The following DIRAS2 variants were observed in gnomAD, a reference collection of about 807,000 sequenced individuals.
DIRAS2 encodes the protein GTP-binding protein Di-Ras2.
Under a neutral mutation model 13.9 loss-of-function variants are expected in DIRAS2, and 5 were observed. The observed-to-expected ratio is 0.36, with a 90% CI of 0.19 to 0.76. The LOEUF (loss-of-function observed/expected upper bound fraction) is 0.76. DIRAS2 is among the 30% of genes least tolerant of loss of function. DIRAS2 has a pLI of 0.53. For synonymous variants in DIRAS2, 111 were observed against 105.4 expected, an observed-to-expected ratio of 1.05 and a Z score of -0.33; for missense variants, 191 against 263.0, an observed-to-expected ratio of 0.73 and a Z score of 1.89.
At chr9:90,632,378 A>G (rs1209424354) in intron 1 of DIRAS2, among the ~76,000 whole-genome samples, 1 of 152,024 alleles carries the variant, frequency 6.6e-6, no homozygotes, top group Non-Finnish European at 1.5e-5. Flanking sequence ...CCCACTACCC[A>G]GACCCTCTTC....
intron 1 of DIRAS2, among the ~76,000 whole-genome samples, chr9:90,628,597 G>A (rs1825293840): frequency 6.6e-6 from 1 of 152,160 alleles, no homozygotes; most frequent in African/African-American, 2.4e-5. Flanking sequence ...CTAGGCTGGA[G>A]TGCAGTGCCT....
At chr9:90,625,479 T>G (rs1273218090) in intron 1 of DIRAS2, among the ~76,000 whole-genome samples, 1 of 152,236 alleles carries the variant, frequency 6.6e-6, no homozygotes, top group Admixed American at 6.5e-5. Flanking sequence ...ATTGATCTAT[T>G]TGAGTTAATT....
At chr9:90,636,822 A>G (rs554807954) in intron 1 of DIRAS2, among the ~76,000 whole-genome samples, 9 of 152,370 alleles carry the variant, frequency 5.9e-5, no homozygotes, top group Non-Finnish European at 2.9e-5. Context: ...TTGCTCCTCA[A>G]CTTACCATGT....
chr9:90,613,643 G>T lies in DIRAS2; in HGVS notation c.185C>A (p.Thr62Lys). The T allele has an allele frequency of 6.2e-7, 1 of 1,614,146 alleles. No individual in the cohort carries two copies. Among genetic ancestry groups the T allele is most frequent in the Non-Finnish European group, 8.5e-7 (1 of 1,180,030 alleles). The change falls in exon 2 of 2, where the codon ACG becomes AAG. Residue 62 changes from threonine to lysine, a missense_variant. Physicochemically the swap from Thr to Lys is moderately conservative, Grantham distance 78. Coordinates refer to ENST00000375765, the MANE Select transcript of DIRAS2 (RefSeq NM_017594.5). This position sits in a 1 kb window ranked among gnomAD's most constrained non-coding sequence, Gnocchi z 5.6. ...KSICTLQITD[T>K]TGSHQFPAMQ... is the part of the protein sequence containing the mutation. Reference sequence around the variant, plus strand: ...GGCCGGGAACTGGTGGCTCCCCGTCGTGTCGGTGATCTGCAATGTGCATAT... The same window carrying T: ...GGCCGGGAACTGGTGGCTCCCCGTCTTGTCGGTGATCTGCAATGTGCATAT...
intron 1 of DIRAS2, among the ~76,000 whole-genome samples, chr9:90,615,642 T>TA (rs1825162186): frequency 1.3e-5 from 2 of 152,230 alleles, no homozygotes; most frequent in African/African-American, 4.8e-5. Flanking sequence ...TGGAGGATGG[T>TA]AAGTCCAATA....
At chr9:90,637,708 T>C (rs1266790859) in intron 1 of DIRAS2, among the ~76,000 whole-genome samples, 1 of 152,224 alleles carries the variant, frequency 6.6e-6, no homozygotes, top group Non-Finnish European at 1.5e-5. Context: ...GTGTTCTTGT[T>C]CTTTGCTCGG....
At position 90,639,788 on chromosome 9, in the gene DIRAS2, T is replaced by C. The variant is rs545401477; in HGVS notation, c.-37+2964A>G. On this transcript the variant is annotated intron_variant, in intron 1 of 1. Transcript: ENST00000375765. ...GTCTTTCTGATAAAGAACTAAGTAA[T>C]AGGTTCAAGACAGCACCACAGTTAA... is the stretch of plus-strand genomic sequence containing the variant. 3.3e-5 allele frequency among the ~76,000 whole-genome samples: 5 copies of C among 152,314 alleles called. No individual in the cohort carries two copies. In the East Asian group the frequency reaches 5.8e-4, roughly 18 times the overall value.
In DIRAS2 at chr9:90,613,908, T is replaced by C. The variant is rs1338291307; in HGVS notation, c.-36-45A>G. 6 of 1,477,488 alleles carry C rather than the reference T, an allele frequency of 4.1e-6. No individual in the cohort carries two copies. Among genetic ancestry groups the C allele is most frequent in the East Asian group, 2.4e-5 (1 of 40,988 alleles). The allele number at this position is 1,477,488 out of a possible 1,614,324, so 91.5% of individuals were successfully genotyped here. On this transcript the variant is annotated intron_variant, in intron 1 of 1. Coordinates refer to ENST00000375765, the MANE Select transcript of DIRAS2 (RefSeq NM_017594.5). The surrounding 1 kb of genome is among the most constrained non-coding windows in gnomAD (Gnocchi z 5.6). ...TTTGAAAGAATTAATAATTAAAATA[T>C]AAAAACATTAATAAGGATAGCTCTA...
At chr9:90,636,143 T>A (rs1011114632) in intron 1 of DIRAS2, among the ~76,000 whole-genome samples, 1 of 141,470 alleles carries the variant, frequency 7.1e-6, no homozygotes, top group African/African-American at 2.6e-5. Context: ...GTTCACGCCA[T>A]TCTCCTGCCT....
At chr9:90,622,782 T>C (rs1175134984) in intron 1 of DIRAS2, among the ~76,000 whole-genome samples, 1 of 152,208 alleles carries the variant, frequency 6.6e-6, no homozygotes, top group Admixed American at 6.5e-5. Context: ...GAGTTTTCTC[T>C]CTAACCTTGG....
chr9:90,623,936 A>T (rs941333429), intron 1 of DIRAS2, among the ~76,000 whole-genome samples: 1 of 152,226 alleles, frequency 6.6e-6, no homozygotes, highest in Admixed American at 6.5e-5. Flanking sequence ...TTAAGAGTAA[A>T]TGTTTGGAAA....
chr9:90,622,464 T>G (rs1032345954), intron 1 of DIRAS2, among the ~76,000 whole-genome samples: 6 of 151,940 alleles, frequency 3.9e-5, no homozygotes, highest in Non-Finnish European at 7.4e-5. Context: ...TTCCGGAGTT[T>G]TTTTTTTTTT....
intron 1 of DIRAS2, among the ~76,000 whole-genome samples, chr9:90,630,465 A>G (rs1825314428): frequency 6.6e-6 from 1 of 152,240 alleles, no homozygotes; most frequent in Admixed American, 6.5e-5. Context: ...CTTGAAGCCA[A>G]AAGTAGGCAG....
At chr9:90,634,132 G>T (rs948955744) in intron 1 of DIRAS2, among the ~76,000 whole-genome samples, 1 of 152,114 alleles carries the variant, frequency 6.6e-6, no homozygotes, top group Non-Finnish European at 1.5e-5. Flanking sequence ...CCCTAGAAAT[G>T]CAAGGGTGTC....
At chr9:90,634,016 T>C (rs1825349703) in intron 1 of DIRAS2, among the ~76,000 whole-genome samples, 1 of 152,230 alleles carries the variant, frequency 6.6e-6, no homozygotes, top group Admixed American at 6.5e-5. Flanking sequence ...TGTATACTTT[T>C]TAAAGAGAAG....
At chr9:90,629,353 T>A (rs1385410629) in intron 1 of DIRAS2, among the ~76,000 whole-genome samples, 2 of 152,158 alleles carry the variant, frequency 1.3e-5, no homozygotes, top group African/African-American at 2.4e-5. Flanking sequence ...GCTTGATTTT[T>A]AAAAAATGCT....
chr9:90,620,817 G>A (rs1357404670), intron 1 of DIRAS2, among the ~76,000 whole-genome samples: 1 of 152,108 alleles, frequency 6.6e-6, no homozygotes, highest in Non-Finnish European at 1.5e-5. Flanking sequence ...CTTTGAACCT[G>A]ACGGTGGCCT....
intron 1 of DIRAS2, among the ~76,000 whole-genome samples, chr9:90,626,412 C>A (rs1825269360): frequency 1.3e-5 from 2 of 149,752 alleles, no homozygotes. Flanking sequence ...TCGTGTCCAG[C>A]CTGGGCACCA....
chr9:90,638,179 C>G (rs1025911223), intron 1 of DIRAS2, among the ~76,000 whole-genome samples: 2 of 152,070 alleles, frequency 1.3e-5, no homozygotes, highest in Non-Finnish European at 2.9e-5. Flanking sequence ...ATATTTGTTA[C>G]AACAACTTGA....
Sources: allele counts gnomAD v4.1 joint callset (sites outside exome capture counted in the v4.1 genomes callset), GRCh38; gene constraint gnomAD v4.1.1; non-coding constraint Gnocchi (gnomAD v3.1); transcripts MANE v1.5; gene names NCBI Gene and HGNC (gene_info 2026-07-23, HGNC 2026-07-21).